Variants in MINK1 observed in about 807,000 individuals in gnomAD.
MINK1 encodes the protein misshapen like kinase 1, also known as misshapen-like kinase 1.
MINK1 carries 46 observed loss-of-function variants against 178.4 expected under a neutral mutation model. The observed-to-expected ratio is 0.26, with a 90% confidence interval of 0.20 to 0.33. The LOEUF is 0.33. Ranked by LOEUF, MINK1 falls within the 10% of genes least tolerant of loss-of-function variation. The pLI is 1.00. For missense variants in MINK1, 1,366 were observed against 1,814.9 expected, an observed-to-expected ratio of 0.75 and a Z score of 4.49; for synonymous variants, 797 against 709.7, an observed-to-expected ratio of 1.12 and a Z score of -1.96.
chr17:4,855,797 C>T (rs1913022190), intron 1 of MINK1, among the ~76,000 whole-genome samples: 1 of 148,404 alleles, frequency 6.7e-6, no homozygotes, highest in Admixed American at 6.7e-5. Context: ...AGAAAGAAAC[C>T]CCATCTCTAC....
rs1273838801 is a variant in MINK1, at chr17:4,887,439, T to C, written c.1020-141T>C. 27 of 821,866 alleles carry C rather than the reference T, an allele frequency of 3.3e-5. No homozygotes were observed. Among genetic ancestry groups the C allele is most frequent in the Non-Finnish European group, 4.9e-5 (26 of 527,862 alleles). The allele number at this position is 821,866 out of a possible 1,614,324, so 50.9% of individuals were successfully genotyped here. On this transcript the variant is annotated intron_variant, in intron 11 of 31. Transcript: ENST00000355280. The surrounding 1 kb of genome is among the most constrained non-coding windows in gnomAD (Gnocchi z 7.6). ...CTGAAGACTGGGCAGAAGGGGACGG[T>C]AAGTCTCCTGGCCACCTGGGAGTGG...
chr17:4,860,829 A>C (rs1333250903), intron 1 of MINK1: 1 of 518,544 alleles, frequency 1.9e-6, no homozygotes, highest in East Asian at 5.5e-5. Flanking sequence ...AGTGCGCGCC[A>C]CGTGCTGGGG....
chr17:4,889,288 A>G (rs1485614867), intron 12 of MINK1, among the ~76,000 whole-genome samples: 1 of 152,110 alleles, frequency 6.6e-6, no homozygotes, highest in Non-Finnish European at 1.5e-5. Context: ...GACCCGCTCT[A>G]TATGGACTTC....
Position 4,896,924 on chromosome 17 carries a change from C to T in MINK1, c.3915+111C>T. 1.4e-6 allele frequency: 2 copies of T among 1,407,910 alleles called. No individual in the cohort carries two copies. Among genetic ancestry groups the T allele is most frequent in the Non-Finnish European group, 1.9e-6 (2 of 1,061,200 alleles). 87.2% of individuals were successfully genotyped at this position (1,407,910 alleles called of 1,614,324 possible). ...TGGTGGTGGCTTCCTGAAAGCGGGC[C>T]CCTCTGGGAGCTCAGAGGGCAGTCA... On this transcript the variant is annotated intron_variant, in intron 31 of 31. Coordinates refer to ENST00000355280, the MANE Select transcript of MINK1 (RefSeq NM_153827.5). This position sits in a 1 kb window ranked among gnomAD's most constrained non-coding sequence, Gnocchi z 4.6.
Position 4,890,931 on chromosome 17 carries a change from G to C in MINK1, c.1567-20G>C, listed in dbSNP as rs1597559042. Reference sequence around the variant, plus strand: ...CAGGGAGGCAAGAGCTGGCCTGCTTGACATCCCTTCACATCACAGGTAGAA... The same window carrying C: ...CAGGGAGGCAAGAGCTGGCCTGCTTCACATCCCTTCACATCACAGGTAGAA... On this transcript the variant is annotated intron_variant, in intron 14 of 31. Transcript: ENST00000355280. 6.4e-7 allele frequency: 1 copy of C among 1,552,458 alleles called. No individual in the cohort carries two copies. The highest frequency in any genetic ancestry group is 8.7e-7 in the Non-Finnish European group (1 of 1,147,470).
At chr17:4,868,040 G>C (rs1915305305) in intron 1 of MINK1, among the ~76,000 whole-genome samples, 1 of 149,668 alleles carries the variant, frequency 6.7e-6, no homozygotes, top group Admixed American at 6.7e-5. Context: ...GCAATGGCAT[G>C]ATCTCGGCTC....
rs1969534222 is a variant in MINK1, at chr17:4,896,680, T to A, written c.3782T>A (p.Ile1261Asn). 6.2e-7 allele frequency: 1 copy of A among 1,602,140 alleles called. No individual in the cohort carries two copies. Among genetic ancestry groups the A allele is most frequent in the Non-Finnish European group, 8.5e-7 (1 of 1,173,116 alleles). Residue 1261 changes from isoleucine to asparagine, a missense_variant, in exon 31 of 32, where the codon ATC (isoleucine) becomes AAC (asparagine). Physicochemically the swap from Ile to Asn is moderately radical, Grantham distance 149. Around this residue, in one of 14 missense-constraint regions of MINK1, gnomAD observed 201 missense variants for 240.7 expected, o/e 0.84. Transcript: ENST00000355280. The surrounding 1 kb of genome is among the most constrained non-coding windows in gnomAD (Gnocchi z 4.6). ...WGEMPTSVAY[I>N]CSNQIMGWGE... ...CCTCACCTGTTCCCCACAGCCTACA[T>A]CTGCTCCAACCAGATAATGGGCTGG...
At chr17:4,834,575 C>G (rs565001385) in intron 1 of MINK1, among the ~76,000 whole-genome samples, 1 of 152,210 alleles carries the variant, frequency 6.6e-6, no homozygotes, top group South Asian at 2.1e-4. Context: ...TTCATTGTCC[C>G]TTGTGGGGCA....
chr17:4,843,267 A>G (rs1202194399), intron 1 of MINK1, among the ~76,000 whole-genome samples: 2 of 152,188 alleles, frequency 1.3e-5, no homozygotes, highest in East Asian at 3.8e-4. Flanking sequence ...ACTTGAGGTC[A>G]GGAGTTCGAG....
intron 1 of MINK1, chr17:4,850,983 T>C (rs746954846): frequency 1.7e-4 from 77 of 457,994 alleles, no homozygotes; most frequent in Middle Eastern, 3.2e-4. Flanking sequence ...GGACTGGCCC[T>C]CCTCCCTGCC....
In MINK1 at chr17:4,890,500, C is replaced by T; in HGVS notation, c.1348-17C>T. On this transcript the variant is annotated splice_polypyrimidine_tract_variant and intron_variant, in intron 13 of 31. Transcript: ENST00000355280. ...GCCACACCCTGCTGAGCCCTCTCTC[C>T]CTACCCTTGGGCCCAGGAATACAAG... The T allele has an allele frequency of 6.3e-7, 1 of 1,575,824 alleles. No homozygotes were observed. Among genetic ancestry groups the T allele is most frequent in the Non-Finnish European group, 8.6e-7 (1 of 1,161,306 alleles).
chr17:4,893,718 G>A (rs943520910), intron 21 of MINK1, 121 bp downstream of exon 21: 1 of 1,357,688 alleles, frequency 7.4e-7, no homozygotes, highest in African/African-American at 1.5e-5. Context: ...TCTCTAGAGA[G>A]TGGGGTGAGG....
At chr17:4,865,436 AAAAT>A (rs542000888) in intron 1 of MINK1, among the ~76,000 whole-genome samples, 5 of 152,040 alleles carry the variant, frequency 3.3e-5, no homozygotes, top group East Asian at 1.9e-4. Flanking sequence ...ACTGTCTCAA[AAAAT>A]AAATAAATAA....
chr17:4,873,021 A>G (rs557555364), intron 1 of MINK1, among the ~76,000 whole-genome samples: 1 of 152,096 alleles, frequency 6.6e-6, no homozygotes, highest in South Asian at 2.1e-4. Context: ...GGCAGTTCCC[A>G]GTGGTTTCCG....
In MINK1 at chr17:4,896,205, C is replaced by A; in HGVS notation, c.3478C>A (p.Leu1160Ile). ...KFMAFKSFAD[L>I]PHRPLLVDLT... ...CGGTTCTCTGCAGTCCTTTGCCGAC[C>A]TCCCCCACCGCCCTCTGCTGGTCGA... The change falls in exon 29 of 32, where the codon CTC (leucine) becomes ATC (isoleucine). Residue 1160 changes from leucine to isoleucine, a missense_variant. By Grantham distance (5) the Leu-to-Ile change is conservative (BLOSUM62 2). This residue lies in a region of MINK1 where 201 missense variants were observed against 240.7 expected (regional missense o/e 0.84). Coordinates refer to ENST00000355280, the MANE Select transcript of MINK1 (RefSeq NM_153827.5). The surrounding 1 kb of genome is among the most constrained non-coding windows in gnomAD (Gnocchi z 4.6). The A allele has an allele frequency of 6.3e-7, 1 of 1,597,510 alleles. No individual in the cohort carries two copies. The highest frequency in any genetic ancestry group is 8.5e-7 in the Non-Finnish European group (1 of 1,171,330).
chr17:4,884,227 C>T (rs185427751), intron 4 of MINK1, 136 bp from the exon 5 acceptor site: 20 of 653,670 alleles, frequency 3.1e-5, no homozygotes, highest in South Asian at 2.9e-4. Context: ...TTCTGTGGCC[C>T]TTGCTCTCTA....
intron 1 of MINK1, among the ~76,000 whole-genome samples, chr17:4,867,155 T>G (rs1440667739): frequency 1.4e-5 from 2 of 141,042 alleles, no homozygotes; most frequent in South Asian, 2.3e-4. Context: ...TTTTTTTTTT[T>G]TTTTTTTTTT....
Position 4,851,499 on chromosome 17 carries a change from C to G in MINK1, c.57+17859C>G, listed in dbSNP as rs73973639. Reference sequence around the variant, plus strand: ...TAGAGCCTTCCTGCTCGCTGTCTGCCCCCCTGCGATGGGGACTTCTTTGGC... The same window carrying G: ...TAGAGCCTTCCTGCTCGCTGTCTGCGCCCCTGCGATGGGGACTTCTTTGGC... On this transcript the variant is annotated intron_variant, in intron 1 of 31. Transcript: ENST00000355280. Among the ~76,000 whole-genome samples the G allele has an allele frequency of 2.5e-4, 38 of 152,248 alleles. 1 individual carries two copies. Among genetic ancestry groups the G allele is most frequent in the African/African-American group, 8.9e-4 (37 of 41,526 alleles).
chr17:4,843,523 TG>T (rs1449849230), intron 1 of MINK1, among the ~76,000 whole-genome samples: 6 of 152,152 alleles, frequency 3.9e-5, no homozygotes, highest in African/African-American at 1.4e-4. Context: ...GGAAGTTGGT[TG>T]GTTCTAGTAA....
Sources: allele counts gnomAD v4.1 joint callset (sites outside exome capture counted in the v4.1 genomes callset), GRCh38; gene constraint gnomAD v4.1.1; regional missense constraint gnomAD v4.1.1; non-coding constraint Gnocchi (gnomAD v3.1); transcripts MANE v1.5; gene names NCBI Gene and HGNC (gene_info 2026-07-23, HGNC 2026-07-21).